The following HIP1 variants were observed in gnomAD, a reference collection of about 807,000 sequenced individuals.
HIP1 encodes the protein huntingtin interacting protein 1, also known as huntingtin-interacting protein 1.
Under a neutral mutation model 147.6 loss-of-function variants are expected in HIP1, and 65 were observed. The ratio of observed to expected loss-of-function variants is 0.44; its 90% CI spans 0.36 to 0.54. The LOEUF is 0.54. HIP1 is among the 20% of genes least tolerant of loss of function. The pLI is 0.00. For synonymous variants in HIP1, 479 were observed against 504.0 expected, an observed-to-expected ratio of 0.95 and a Z score of 0.67; for missense variants, 1,061 against 1,299.6, an observed-to-expected ratio of 0.82 and a Z score of 2.82.
chr7:75,632,261 G>A (rs184464308), intron 1 of HIP1, among the ~76,000 whole-genome samples: 122 of 152,136 alleles, frequency 8.0e-4, no homozygotes, highest in East Asian at 3.3e-3. Flanking sequence ...ATATCTTAAC[G>A]TCCTCACCCA....
At chr7:75,564,167 C>T (rs1251326273) in intron 9 of HIP1, among the ~76,000 whole-genome samples, 3 of 152,098 alleles carry the variant, frequency 2.0e-5, no homozygotes, top group African/African-American at 7.2e-5. Context: ...GCTGGGATTA[C>T]AGGCATGAGC....
chr7:75,554,982 G>A (rs1794934042), intron 19 of HIP1, among the ~76,000 whole-genome samples: 1 of 151,942 alleles, frequency 6.6e-6, no homozygotes, highest in African/African-American at 2.4e-5. Context: ...AAGGTGGGTG[G>A]ATAGCCTGAG....
chr7:75,666,528 C>A (rs1395061902), intron 1 of HIP1, among the ~76,000 whole-genome samples: 1 of 152,106 alleles, frequency 6.6e-6, no homozygotes, highest in Non-Finnish European at 1.5e-5. Flanking sequence ...CAAAGAAAGA[C>A]AAAGGACAAG....
Position 75,546,953 on chromosome 7 carries a change from C to G in HIP1, c.2545G>C (p.Val849Leu), listed in dbSNP as rs372570648. The G allele has an allele frequency of 6.4e-7, 1 of 1,573,892 alleles. No individual in the cohort carries two copies. Among genetic ancestry groups the G allele is most frequent in the Non-Finnish European group, 8.6e-7 (1 of 1,158,306 alleles). The change falls in exon 25 of 31, where the codon GTG becomes CTG. Residue 849 changes from valine to leucine, a missense_variant. Coordinates refer to ENST00000336926, the MANE Select transcript of HIP1 (RefSeq NM_005338.7). ...CCCACGCTCACCCTGCCGCTCTCCA[C>G]AATCTCTCTCTGGAGGTCCTTAGAG... ...VASKDLQREI[V>L]ESGRGTASPK...
intron 1 of HIP1, among the ~76,000 whole-genome samples, chr7:75,690,141 G>A (rs1287134032): frequency 1.3e-5 from 2 of 152,050 alleles, no homozygotes; most frequent in South Asian, 4.1e-4. Context: ...TGGGCTTGGC[G>A]GCACATGCCT....
intron 2 of HIP1, among the ~76,000 whole-genome samples, chr7:75,595,220 CT>C (rs1796656629): frequency 4.3e-5 from 4 of 92,216 alleles, no homozygotes; most frequent in East Asian, 2.9e-4. Flanking sequence ...TTCTTTCTTT[CT>C]TTCTTTCTTT....
Position 75,701,013 on chromosome 7 carries a change from G to A in HIP1, c.120+37788C>T, listed in dbSNP as rs555092319. Reference sequence around the variant, plus strand: ...AGCCACCACACCCGGCCCCTGACCCGGTGAAAACTTTTAACCCCTAAACAA... The same window carrying A: ...AGCCACCACACCCGGCCCCTGACCCAGTGAAAACTTTTAACCCCTAAACAA... On this transcript the variant is annotated intron_variant, in intron 1 of 30. Coordinates refer to ENST00000336926, the MANE Select transcript of HIP1 (RefSeq NM_005338.7). Among the ~76,000 whole-genome samples the A allele has an allele frequency of 1.2e-4, 18 of 152,126 alleles. No individual in the cohort carries two copies. In the East Asian group the frequency reaches 1.6e-3, roughly 13 times the overall value.
chr7:75,667,482 A>C (rs1799596761), intron 1 of HIP1, among the ~76,000 whole-genome samples: 1 of 152,172 alleles, frequency 6.6e-6, no homozygotes, highest in South Asian at 2.1e-4. Flanking sequence ...GTTTAATATT[A>C]TTTATTCATT....
At chr7:75,595,240 C>CTTTCTTTCTT (rs1796669674) in intron 2 of HIP1, among the ~76,000 whole-genome samples, 1 of 115,998 alleles carries the variant, frequency 8.6e-6, no homozygotes, top group African/African-American at 3.9e-5. Context: ...TTCTTTCTTT[C>CTTTCTTTCTT]TTTCTTTCTT....
intron 9 of HIP1, among the ~76,000 whole-genome samples, chr7:75,563,711 G>A (rs782820706): frequency 4.6e-5 from 7 of 152,126 alleles, no homozygotes; most frequent in Non-Finnish European, 1.0e-4. Context: ...TGGACTATTT[G>A]TTCTCTCCAC....
At chr7:75,589,450 C>T (rs587752121) in intron 4 of HIP1, among the ~76,000 whole-genome samples, 2 of 151,704 alleles carry the variant, frequency 1.3e-5, no homozygotes, top group African/African-American at 4.8e-5. Context: ...TTTGGGAGGC[C>T]GAGGAGGGAA....
At chr7:75,711,078 A>G (rs1197868559) in intron 1 of HIP1, among the ~76,000 whole-genome samples, 2 of 152,178 alleles carry the variant, frequency 1.3e-5, no homozygotes, top group Non-Finnish European at 2.9e-5. Context: ...TTGTGCTCCC[A>G]AAAGTCCAGA....
intron 1 of HIP1, among the ~76,000 whole-genome samples, chr7:75,635,048 G>C (rs781942288): frequency 1.8e-4 from 27 of 149,896 alleles, no homozygotes; most frequent in Non-Finnish European, 3.0e-4. Context: ...GGTAATAATT[G>C]ATAGCGTTGA....
chr7:75,594,052 C>T (rs963861992), intron 2 of HIP1, among the ~76,000 whole-genome samples: 2 of 151,806 alleles, frequency 1.3e-5, no homozygotes, highest in Non-Finnish European at 2.9e-5. Flanking sequence ...GAGGCTGAGG[C>T]GGGCGGATCA....
chr7:75,624,570 C>T (rs767604537), intron 1 of HIP1, among the ~76,000 whole-genome samples: 6 of 152,152 alleles, frequency 3.9e-5, no homozygotes, highest in East Asian at 1.9e-4. Flanking sequence ...GTGGCCACAA[C>T]GTCACTGGAA....
intron 2 of HIP1, among the ~76,000 whole-genome samples, chr7:75,595,244 CTTT>C (rs1563230304): frequency 4.6e-4 from 52 of 112,714 alleles, no homozygotes; most frequent in African/African-American, 1.2e-3. Flanking sequence ...TTCTTTCTTT[CTTT>C]CTTTCTTCCT....
intron 2 of HIP1, among the ~76,000 whole-genome samples, chr7:75,595,283 C>CCTTCCTTTCTTTCTTTCTTTTTCTCT (rs1554501698): frequency 1.6e-4 from 13 of 83,430 alleles, no homozygotes; most frequent in African/African-American, 8.9e-4. Context: ...TTCCTTCCTT[C>CCTTCCTTTCTTTCTTTCTTTTTCTCT]CTTTCTTTCT....
At chr7:75,693,202 G>A (rs1800518101) in intron 1 of HIP1, among the ~76,000 whole-genome samples, 1 of 151,906 alleles carries the variant, frequency 6.6e-6, no homozygotes, top group Admixed American at 6.6e-5. Flanking sequence ...ATTGCAAACG[G>A]CATTCGAAAC....
At chr7:75,711,606 G>GT (rs778599556) in intron 1 of HIP1, among the ~76,000 whole-genome samples, 29 of 152,138 alleles carry the variant, frequency 1.9e-4, no homozygotes, top group Non-Finnish European at 3.8e-4. Flanking sequence ...CCATCCTAAA[G>GT]TTTTTTACTT....
Sources: gnomAD v4.1 joint callset for allele counts (sites outside exome capture counted in the v4.1 genomes callset) on GRCh38, gnomAD v4.1.1 for gene constraint, MANE v1.5 for transcripts, NCBI Gene and HGNC (gene_info 2026-07-23, HGNC 2026-07-21) for gene names.